Variants in HOMER1 observed in about 807,000 individuals in gnomAD.
HOMER1 encodes the protein homer protein homolog 1.
HOMER1 carries 3 observed loss-of-function variants against 48.9 expected under a neutral mutation model. The observed-to-expected ratio is 0.06, with a 90% CI of 0.03 to 0.16. The LOEUF (loss-of-function observed/expected upper bound fraction) is 0.16. Among genes scored for constraint, HOMER1 ranks in the 10% least tolerant of loss-of-function variants. The pLI is 1.00. For synonymous variants in HOMER1, 134 were observed against 146.4 expected, an observed-to-expected ratio of 0.92 and a Z score of 0.61; for missense variants, 247 against 411.4, an observed-to-expected ratio of 0.60 and a Z score of 3.46.
chr5:79,441,665 C>T (rs748475729), intron 4 of HOMER1, among the ~76,000 whole-genome samples: 9 of 151,470 alleles, frequency 5.9e-5, no homozygotes, highest in East Asian at 1.9e-4. Flanking sequence ...TATTCTGAAC[C>T]GATCGAGAAC....
At chr5:79,461,522 A>G (rs1336881098) in intron 1 of HOMER1, among the ~76,000 whole-genome samples, 1 of 152,248 alleles carries the variant, frequency 6.6e-6, no homozygotes, top group Non-Finnish European at 1.5e-5. Context: ...TAAAATATTT[A>G]TAACGTACAT....
intron 1 of HOMER1, among the ~76,000 whole-genome samples, chr5:79,472,062 A>T (rs1751636503): frequency 6.6e-6 from 1 of 152,152 alleles, no homozygotes; most frequent in African/African-American, 2.4e-5. Context: ...ACTTTCTTAT[A>T]TATTGTCCTT....
intron 5 of HOMER1, among the ~76,000 whole-genome samples, chr5:79,419,436 G>A (rs1750035909): frequency 6.6e-6 from 1 of 151,898 alleles, no homozygotes; most frequent in South Asian, 2.1e-4. Flanking sequence ...AGCTTGAGAG[G>A]GGCTTTTATC....
At chr5:79,430,520 A>T (rs1750393536) in intron 5 of HOMER1, among the ~76,000 whole-genome samples, 1 of 152,240 alleles carries the variant, frequency 6.6e-6, no homozygotes, top group Admixed American at 6.5e-5. Context: ...TATATACTCA[A>T]GAGAATTGAA....
At chr5:79,468,828 G>A (rs556840768) in intron 1 of HOMER1, among the ~76,000 whole-genome samples, 2 of 152,216 alleles carry the variant, frequency 1.3e-5, no homozygotes, top group South Asian at 4.2e-4. Context: ...TAATGTCCAC[G>A]TAACATCTTT....
At chr5:79,402,125 T>A in intron 5 of HOMER1, 70 bp from the exon 6 acceptor site, 3 of 1,236,776 alleles carry the variant, frequency 2.4e-6, no homozygotes, top group Non-Finnish European at 3.4e-6. Flanking sequence ...ACAGCAAGAC[T>A]CAGTTCTATT....
intron 8 of HOMER1, among the ~76,000 whole-genome samples, chr5:79,383,386 C>CT (rs200444325): frequency 0.023 from 3,150 of 139,880 alleles, 67 homozygotes; most frequent in African/African-American, 0.057. Flanking sequence ...TACAGAACAT[C>CT]TTTTTTTTTT....
intron 8 of HOMER1, among the ~76,000 whole-genome samples, chr5:79,379,107 T>TATA (rs1554056106): frequency 2.1e-5 from 2 of 96,512 alleles, no homozygotes; most frequent in Non-Finnish European, 4.0e-5. Context: ...TATATATATA[T>TATA]ATATATAAAA....
chr5:79,512,736 G>A, intron 1 of HOMER1, 34 bp downstream of exon 1: 4 of 1,608,364 alleles, frequency 2.5e-6, no homozygotes, highest in Non-Finnish European at 3.4e-6. Context: ...TACATAAACA[G>A]ATTCGAAGCT....
At chr5:79,473,002 C>T (rs1418183275) in intron 1 of HOMER1, among the ~76,000 whole-genome samples, 3 of 152,146 alleles carry the variant, frequency 2.0e-5, no homozygotes, top group Non-Finnish European at 2.9e-5. Flanking sequence ...TAATCTTTAA[C>T]TACCAATATA....
chr5:79,404,864 A>ATTT (rs71615534), intron 5 of HOMER1, among the ~76,000 whole-genome samples: 14 of 141,450 alleles, frequency 9.9e-5, no homozygotes, highest in Middle Eastern at 3.2e-3. Flanking sequence ...ACGCCCAGCT[A>ATTT]TTTTTTTTTT....
chr5:79,477,430 A>G (rs1239029194), intron 1 of HOMER1, among the ~76,000 whole-genome samples: 1 of 152,206 alleles, frequency 6.6e-6, no homozygotes, highest in Non-Finnish European at 1.5e-5. Context: ...GCATGGGCTG[A>G]GCTTTTGTCA....
chr5:79,471,887 G>C (rs1252571690), intron 1 of HOMER1, among the ~76,000 whole-genome samples: 3 of 152,160 alleles, frequency 2.0e-5, no homozygotes, highest in Non-Finnish European at 4.4e-5. Context: ...GGTCTGCCCA[G>C]CATGTTCTTT....
At chr5:79,468,878 T>C (rs918630954) in intron 1 of HOMER1, among the ~76,000 whole-genome samples, 3 of 152,218 alleles carry the variant, frequency 2.0e-5, no homozygotes, top group Non-Finnish European at 4.4e-5. Context: ...TATTTCACTG[T>C]AGTTTCAATT....
intron 1 of HOMER1, among the ~76,000 whole-genome samples, chr5:79,457,871 T>A (rs1251696186): frequency 6.6e-6 from 1 of 152,196 alleles, no homozygotes; most frequent in Non-Finnish European, 1.5e-5. Context: ...AATACAAGTA[T>A]CTTATATTTG....
intron 6 of HOMER1, among the ~76,000 whole-genome samples, chr5:79,399,401 GA>G (rs1175131399): frequency 2.0e-5 from 3 of 152,202 alleles, no homozygotes; most frequent in Non-Finnish European, 2.9e-5. Flanking sequence ...AAGGCTGAAA[GA>G]ACTAAACTGC....
chr5:79,485,235 T>G (rs996437336), intron 1 of HOMER1, among the ~76,000 whole-genome samples: 4 of 152,138 alleles, frequency 2.6e-5, no homozygotes, highest in African/African-American at 9.7e-5. Flanking sequence ...ACAAAAATAT[T>G]TTGAGGACCA....
At chr5:79,494,786 T>C (rs1230516741) in intron 1 of HOMER1, among the ~76,000 whole-genome samples, 1 of 152,192 alleles carries the variant, frequency 6.6e-6, no homozygotes, top group East Asian at 1.9e-4. Flanking sequence ...GAAGAATCGA[T>C]TGAACCCAGG....
chr5:79,433,522 C>T (rs1263835966), intron 5 of HOMER1, among the ~76,000 whole-genome samples: 2 of 152,018 alleles, frequency 1.3e-5, no homozygotes, highest in East Asian at 1.9e-4. Context: ...GAGCTGAGAT[C>T]GCACCACTGC....
Sources: gnomAD v4.1 joint callset for allele counts (sites outside exome capture counted in the v4.1 genomes callset) on GRCh38, gnomAD v4.1.1 for gene constraint, MANE v1.5 for transcripts, NCBI Gene and HGNC (gene_info 2026-07-23, HGNC 2026-07-21) for gene names.